The following CNTN4 variants were observed in gnomAD, a reference collection of about 807,000 sequenced individuals.
CNTN4 encodes contactin 4, also known as contactin-4.
In CNTN4, 77 loss-of-function variants were observed where a neutral mutation model predicts 122.5. The ratio of observed to expected loss-of-function variants is 0.63; its 90% CI spans 0.52 to 0.76. The LOEUF (loss-of-function observed/expected upper bound fraction) is 0.76, where lower values mean the gene tolerates loss of function less well. Ranked by LOEUF, CNTN4 falls within the 30% of genes least tolerant of loss-of-function variation. The pLI, the probability that CNTN4 is intolerant of heterozygous loss-of-function variation, is 0.00. For missense variants in CNTN4, 1,256 were observed against 1,259.1 expected, an observed-to-expected ratio of 1.00 and a Z score of 0.04; for synonymous variants, 512 against 447.0, an observed-to-expected ratio of 1.15 and a Z score of -1.83.
chr3:2,681,343 A>G (rs1244399660), intron 4 of CNTN4, among the ~76,000 whole-genome samples: 1 of 152,158 alleles, frequency 6.6e-6, no homozygotes, highest in Non-Finnish European at 1.5e-5. Flanking sequence ...GTTTTTTGTC[A>G]TCTCCCTGCC....
chr3:2,836,621 A>G (rs1039871452), intron 7 of CNTN4, among the ~76,000 whole-genome samples: 1 of 152,206 alleles, frequency 6.6e-6, no homozygotes, highest in Non-Finnish European at 1.5e-5. Context: ...GGACATGTAT[A>G]TAAAATGAGA....
intron 17 of CNTN4, among the ~76,000 whole-genome samples, chr3:3,036,150 A>G (rs902593294): frequency 7.9e-5 from 12 of 152,246 alleles, no homozygotes; most frequent in Non-Finnish European, 1.5e-5. Flanking sequence ...ATTACAAACA[A>G]AGATACACAC....
At chr3:2,457,576 TG>T (rs2049047524) in intron 3 of CNTN4, among the ~76,000 whole-genome samples, 1 of 152,128 alleles carries the variant, frequency 6.6e-6, no homozygotes, top group Non-Finnish European at 1.5e-5. Flanking sequence ...TGACAATGGT[TG>T]GGCGCAGATT....
At chr3:2,285,038 AT>A (rs1390300344) in intron 2 of CNTN4, among the ~76,000 whole-genome samples, 1 of 152,012 alleles carries the variant, frequency 6.6e-6, no homozygotes, top group Non-Finnish European at 1.5e-5. Flanking sequence ...TTTATTAATA[AT>A]AAAAAGAGAG....
At chr3:2,438,086 A>G (rs894366754) in intron 3 of CNTN4, among the ~76,000 whole-genome samples, 1 of 151,992 alleles carries the variant, frequency 6.6e-6, no homozygotes, top group East Asian at 1.9e-4. Context: ...CTTTTCACTT[A>G]TGTTTCTATT....
intron 4 of CNTN4, among the ~76,000 whole-genome samples, chr3:2,708,371 A>G (rs2086869036): frequency 6.6e-6 from 1 of 152,230 alleles, no homozygotes; most frequent in Non-Finnish European, 1.5e-5. Flanking sequence ...GGTAACCCAT[A>G]TGGACCACAA....
chr3:2,100,729 A>G (rs543988526), intron 2 of CNTN4, 90 bp downstream of exon 2: 3 of 152,338 alleles, frequency 2.0e-5, no homozygotes, highest in African/African-American at 7.2e-5. Context: ...TAAGATTGCT[A>G]AGGATCAAAA....
In CNTN4 at chr3:2,973,729, G is replaced by A. The variant is rs558188934; in HGVS notation, c.1359-14616G>A. ...GAGACAGAGAGATGGATACGACCTGGGATTTGAGTTCTGGAAATCATTTGA... is the reference window on the plus strand; with the variant it reads ...GAGACAGAGAGATGGATACGACCTGAGATTTGAGTTCTGGAAATCATTTGA... On this transcript the variant is annotated intron_variant, in intron 13 of 24. Transcript: ENST00000418658. Among the ~76,000 whole-genome samples the A allele has an allele frequency of 2.0e-5, 3 of 152,076 alleles. No individual in the cohort carries two copies. In the East Asian group the frequency reaches 5.8e-4, roughly 29 times the overall value.
chr3:2,590,060 C>T (rs945074778), intron 4 of CNTN4, among the ~76,000 whole-genome samples: 2 of 152,124 alleles, frequency 1.3e-5, no homozygotes, highest in Non-Finnish European at 2.9e-5. Context: ...TTCAAACCAC[C>T]ACAATCTGTT....
chr3:2,602,712 T>G (rs773139533), intron 4 of CNTN4, among the ~76,000 whole-genome samples: 1 of 152,018 alleles, frequency 6.6e-6, no homozygotes, highest in Non-Finnish European at 1.5e-5. Flanking sequence ...CTACCAATGG[T>G]TTATGGAATT....
At chr3:3,051,200 AAAT>A (rs1408419768) in intron 23 of CNTN4, among the ~76,000 whole-genome samples, 1 of 152,204 alleles carries the variant, frequency 6.6e-6, no homozygotes, top group African/African-American at 2.4e-5. Flanking sequence ...TTCAGACATT[AAAT>A]AGTGGAAGTA....
intron 3 of CNTN4, among the ~76,000 whole-genome samples, chr3:2,430,440 A>T (rs1288530829): frequency 6.6e-6 from 1 of 151,088 alleles, no homozygotes; most frequent in Non-Finnish European, 1.5e-5. Context: ...AAAAAAAAAA[A>T]AGGAAATGCA....
intron 2 of CNTN4, among the ~76,000 whole-genome samples, chr3:2,116,947 A>AT (rs77715807): frequency 0.06 from 9,169 of 152,226 alleles, 385 homozygotes; most frequent in East Asian, 0.22. Context: ...AATAGAGAAG[A>AT]TTTTTGTGAC....
intron 2 of CNTN4, among the ~76,000 whole-genome samples, chr3:2,332,663 T>C (rs942528309): frequency 3.7e-4 from 55 of 146,792 alleles, no homozygotes; most frequent in African/African-American, 1.2e-3. Flanking sequence ...TAGGTGGGAA[T>C]TGAACAATGA....
chr3:2,804,071 A>G (rs2092409001), intron 6 of CNTN4, among the ~76,000 whole-genome samples: 2 of 95,840 alleles, frequency 2.1e-5, no homozygotes, highest in Admixed American at 9.3e-5. Flanking sequence ...GTCTGCACAC[A>G]CACACACACA....
At chr3:2,897,624 T>C (rs1180325138) in intron 10 of CNTN4, among the ~76,000 whole-genome samples, 2 of 152,166 alleles carry the variant, frequency 1.3e-5, no homozygotes, top group Non-Finnish European at 2.9e-5. Flanking sequence ...ACATGAAGTT[T>C]ATTTATGTTT....
At chr3:2,637,365 G>A (rs139666430) in intron 4 of CNTN4, among the ~76,000 whole-genome samples, 460 of 152,264 alleles carry the variant, frequency 3.0e-3, no homozygotes, top group Admixed American at 4.4e-3. Context: ...AAGCAAAATG[G>A]ATTCTGATTC....
chr3:2,907,570 C>A (rs375394695), intron 12 of CNTN4, among the ~76,000 whole-genome samples: 336 of 133,460 alleles, frequency 2.5e-3, no homozygotes, highest in Admixed American at 2.8e-3. Context: ...GAGACTGTCT[C>A]AAAAAAAAAA....
intron 4 of CNTN4, among the ~76,000 whole-genome samples, chr3:2,619,118 C>A (rs772879023): frequency 6.6e-6 from 1 of 152,200 alleles, no homozygotes; most frequent in African/African-American, 2.4e-5. Flanking sequence ...TCTTTAAGGG[C>A]AGGGACCCTG....
Sources: allele counts gnomAD v4.1 joint callset (sites outside exome capture counted in the v4.1 genomes callset), GRCh38; gene constraint gnomAD v4.1.1; transcripts MANE v1.5; gene names NCBI Gene and HGNC (gene_info 2026-07-23, HGNC 2026-07-21).